Variants in MAP1B observed in about 807,000 individuals in gnomAD.
MAP1B encodes the protein microtubule associated protein 1B.
MAP1B carries 12 observed loss-of-function variants against 176.1 expected under a neutral mutation model. The ratio of observed to expected loss-of-function variants is 0.07; its 90% CI spans 0.04 to 0.11. The LOEUF is 0.11. Among genes scored for constraint, MAP1B ranks in the 10% least tolerant of loss-of-function variants. The probability of loss-of-function intolerance (pLI) is 1.00; values close to 1 mark genes in which losing one functional copy is unlikely to be tolerated. For synonymous variants in MAP1B, 1,044 were observed against 1,135.0 expected, an observed-to-expected ratio of 0.92 and a Z score of 1.61; for missense variants, 2,523 against 2,990.5, an observed-to-expected ratio of 0.84 and a Z score of 3.65.
At chr5:72,166,704 G>A (rs774489069) in intron 2 of MAP1B, among the ~76,000 whole-genome samples, 2 of 152,128 alleles carry the variant, frequency 1.3e-5, no homozygotes, top group East Asian at 1.9e-4. Context: ...ATGACTATTC[G>A]CCGAGGATGT....
chr5:72,193,763 G>A (rs1747081247), intron 4 of MAP1B, 103 bp from the exon 5 acceptor site: 2 of 1,295,970 alleles, frequency 1.5e-6, no homozygotes, highest in South Asian at 1.5e-5. Context: ...GGTCCTATGT[G>A]CATCCTGTGA....
intron 2 of MAP1B, among the ~76,000 whole-genome samples, chr5:72,144,728 A>T (rs1746014559): frequency 6.6e-6 from 1 of 152,218 alleles, no homozygotes; most frequent in Admixed American, 6.5e-5. Flanking sequence ...ATGCTGCTGG[A>T]TAAAGAACTT....
At chr5:72,163,916 CTTTT>C (rs796802217) in intron 2 of MAP1B, among the ~76,000 whole-genome samples, 3,477 of 96,734 alleles carry the variant, frequency 0.036, 413 homozygotes, top group Middle Eastern at 0.1. Flanking sequence ...CTCTCTCTCT[CTTTT>C]TTTTTTTTTC....
At position 72,202,330 on chromosome 5, in the gene MAP1B, A is replaced by T. The variant is rs147091069; in HGVS notation, c.7013-1233A>T. On this transcript the variant is annotated intron_variant, in intron 5 of 6. Coordinates refer to ENST00000296755, the MANE Select transcript of MAP1B (RefSeq NM_005909.5). ...TCAGAATTCTTTAGGAATTCTTTGG[A>T]TATTTTGAGGGCTTTCGGCTCAGAT... Among the ~76,000 whole-genome samples, 11 of 152,346 alleles carry T rather than the reference A, an allele frequency of 7.2e-5. No homozygotes were observed. The East Asian group carries it at 1.5e-3, about 21-fold the overall frequency.
intron 4 of MAP1B, among the ~76,000 whole-genome samples, chr5:72,189,560 T>C (rs1032636000): frequency 4.6e-5 from 7 of 152,178 alleles, no homozygotes; most frequent in Admixed American, 6.5e-5. Context: ...CCAGGTGCTA[T>C]GGCCCATGCC....
chr5:72,107,702 C>G lies in MAP1B; in HGVS notation c.171C>G (p.Gly57=), dbSNP rs757261254. 6.3e-7 allele frequency: 1 copy of G among 1,599,472 alleles called. No homozygotes were observed. The highest frequency in any genetic ancestry group is 8.5e-7 in the Non-Finnish European group (1 of 1,179,596). The change falls in exon 1 of 7, where the codon GGC becomes GGG. Residue 57 remains glycine, a synonymous_variant. Coordinates refer to ENST00000296755, the MANE Select transcript of MAP1B (RefSeq NM_005909.5). ...VTEEHLRRAI[G]NIELGIRSWD... Reference sequence around the variant, plus strand: ...AGGAGCACCTGCGGCGTGCCATCGGCAACATCGAGCTCGGTAAGTGGCCCC... The same window carrying G: ...AGGAGCACCTGCGGCGTGCCATCGGGAACATCGAGCTCGGTAAGTGGCCCC...
chr5:72,123,696 G>T lies in MAP1B; in HGVS notation c.286+7897G>T, dbSNP rs987840216. On this transcript the variant is annotated intron_variant, in intron 2 of 6. Transcript: ENST00000296755. ...AGACAGGGTTTCACTGTGTTAGCCAGGATGGTCTCGATCTCCTGACCTCGT... is the reference window on the plus strand; with the variant it reads ...AGACAGGGTTTCACTGTGTTAGCCATGATGGTCTCGATCTCCTGACCTCGT... 2.0e-5 allele frequency among the ~76,000 whole-genome samples: 3 copies of T among 152,280 alleles called. No homozygotes were observed. In the South Asian group the frequency reaches 6.2e-4, roughly 32 times the overall value.
chr5:72,122,999 G>A (rs1269275164), intron 2 of MAP1B, among the ~76,000 whole-genome samples: 2 of 152,084 alleles, frequency 1.3e-5, no homozygotes, highest in Non-Finnish European at 2.9e-5. Flanking sequence ...CATCAAGCAA[G>A]CACAGTCTCT....
intron 2 of MAP1B, among the ~76,000 whole-genome samples, chr5:72,158,955 A>G (rs79024219): frequency 0.011 from 1,659 of 152,346 alleles, 29 homozygotes; most frequent in African/African-American, 0.037. Context: ...TTGAGTATCC[A>G]CATGCCAGGC....
At chr5:72,181,129 C>T (rs879416074) in intron 2 of MAP1B, among the ~76,000 whole-genome samples, 4 of 152,182 alleles carry the variant, frequency 2.6e-5, no homozygotes, top group African/African-American at 4.8e-5. Flanking sequence ...AGTCTTAGAA[C>T]GGTGCCTGAC....
chr5:72,149,142 A>G (rs1418853922), intron 2 of MAP1B, among the ~76,000 whole-genome samples: 1 of 152,202 alleles, frequency 6.6e-6, no homozygotes, highest in Non-Finnish European at 1.5e-5. Flanking sequence ...TTATTTTTAA[A>G]AAAATTGAAT....
intron 2 of MAP1B, among the ~76,000 whole-genome samples, chr5:72,135,988 G>C (rs1034693057): frequency 6.6e-6 from 1 of 152,230 alleles, no homozygotes; most frequent in African/African-American, 2.4e-5. Context: ...TTCAAGGCCA[G>C]TGCATTTGGT....
intron 5 of MAP1B, among the ~76,000 whole-genome samples, chr5:72,201,806 G>C (rs1031948316): frequency 3.3e-5 from 5 of 152,068 alleles, no homozygotes; most frequent in South Asian, 2.1e-4. Flanking sequence ...CAATTTTAAG[G>C]CTCAGTTCTC....
Position 72,194,733 on chromosome 5 carries a change from G to A in MAP1B, c.1378G>A (p.Asp460Asn), listed in dbSNP as rs775855758. ...EFILPNGQEVDLPISYLTSVS... is the reference protein window; with the variant it reads ...EFILPNGQEVNLPISYLTSVS... ...CATTCTGCCTAATGGTCAAGAAGTA[G>A]ATCTCCCGATTTCCTACTTAACTTC... Residue 460 changes from aspartate to asparagine, a missense_variant, in exon 5 of 7, where the codon GAT becomes AAT. By Grantham distance (23) the Asp-to-Asn change is conservative. Around this residue, in one of 4 missense-constraint regions of MAP1B, gnomAD observed 1,925 missense variants for 2,126.0 expected, o/e 0.91. Coordinates refer to ENST00000296755, the MANE Select transcript of MAP1B (RefSeq NM_005909.5). The surrounding 1 kb of genome is among the most constrained non-coding windows in gnomAD (Gnocchi z 7.2). The A allele has an allele frequency of 6.2e-7, 1 of 1,614,208 alleles. No individual in the cohort carries two copies. The highest frequency in any genetic ancestry group is 8.5e-7 in the Non-Finnish European group (1 of 1,180,038).
At chr5:72,136,802 G>A (rs928744941) in intron 2 of MAP1B, among the ~76,000 whole-genome samples, 1 of 152,036 alleles carries the variant, frequency 6.6e-6, no homozygotes, top group Non-Finnish European at 1.5e-5. Context: ...CAAACTACAA[G>A]GAAAATATTG....
At chr5:72,128,743 T>G (rs1355613308) in intron 2 of MAP1B, among the ~76,000 whole-genome samples, 1 of 152,216 alleles carries the variant, frequency 6.6e-6, no homozygotes, top group Non-Finnish European at 1.5e-5. Flanking sequence ...TGGGCTCCAG[T>G]AATCTTCCCA....
In MAP1B at chr5:72,197,559, C is replaced by T; in HGVS notation, c.4204C>T (p.Pro1402Ser). Residue 1402 changes from proline to serine, a missense_variant, in exon 5 of 7, where the codon CCC (proline) becomes TCC (serine). Physicochemically the swap from Pro to Ser is moderately conservative, Grantham distance 74. Around this residue, in one of 4 missense-constraint regions of MAP1B, gnomAD observed 1,925 missense variants for 2,126.0 expected, o/e 0.91. Coordinates refer to ENST00000296755, the MANE Select transcript of MAP1B (RefSeq NM_005909.5). ...AGTTTTGTCTCCTTTACGCAGCCCG[C>T]CCCTCATTGGATCCGAGTCTGCTTA... is the stretch of plus-strand genomic sequence containing the variant. ...EKVLSPLRSP[P>S]LIGSESAYES... The T allele has an allele frequency of 6.2e-7, 1 of 1,614,198 alleles. No individual in the cohort carries two copies. Among genetic ancestry groups the T allele is most frequent in the Non-Finnish European group, 8.5e-7 (1 of 1,180,042 alleles).
chr5:72,137,998 G>A (rs1745867784), intron 2 of MAP1B, among the ~76,000 whole-genome samples: 1 of 152,178 alleles, frequency 6.6e-6, no homozygotes, highest in South Asian at 2.1e-4. Flanking sequence ...CAGGTGGCAT[G>A]ACTTGTTGCT....
At position 72,196,418 on chromosome 5, in the gene MAP1B, TGAG is replaced by T. The variant is rs771303248; in HGVS notation, c.3069_3071del (p.Glu1023del). The T allele has an allele frequency of 9.3e-5, 150 of 1,613,446 alleles. No homozygotes were observed. Among genetic ancestry groups the T allele is most frequent in the Non-Finnish European group, 1.2e-4 (147 of 1,179,962 alleles). ...CTGAACAATCTGAAGAGGAGGCTGA[TGAG>T]GAGGACAAAGCTGAAGATGCCAGAG... is the stretch of plus-strand genomic sequence containing the variant. On this transcript the variant is annotated inframe_deletion, in exon 5 of 7. Coordinates refer to ENST00000296755, the MANE Select transcript of MAP1B (RefSeq NM_005909.5). This position sits in a 1 kb window ranked among gnomAD's most constrained non-coding sequence, Gnocchi z 5.3.
Sources: gnomAD v4.1 joint callset for allele counts (sites outside exome capture counted in the v4.1 genomes callset) on GRCh38, gnomAD v4.1.1 for gene constraint, gnomAD v4.1.1 regional missense constraint, Gnocchi (gnomAD v3.1) non-coding constraint, MANE v1.5 for transcripts, NCBI Gene and HGNC (gene_info 2026-07-23, HGNC 2026-07-21) for gene names.